KRTAP9-2: variants seen among roughly 807,000 people sequenced by gnomAD.
The protein encoded by KRTAP9-2 is keratin associated protein 9-2.
Under a neutral mutation model 14.1 loss-of-function variants are expected in KRTAP9-2, and 12 were observed. The observed-to-expected ratio is 0.85, with a 90% CI of 0.55 to 1.38. The LOEUF (loss-of-function observed/expected upper bound fraction) is 1.38. KRTAP9-2 is among the 40% of genes most tolerant of loss of function. The probability of loss-of-function intolerance (pLI) is 0.00; values close to 1 mark genes in which losing one functional copy is unlikely to be tolerated. For synonymous variants in KRTAP9-2, 72 were observed against 79.5 expected (o/e 0.91, Z 0.50); for missense variants, 185 against 216.3 (o/e 0.86, Z 0.91).
Position 41,227,091 on chromosome 17 carries a change from G to A in KRTAP9-2, c.437G>A (p.Arg146His), listed in dbSNP as rs537525683. Residue 146 changes from arginine (R) to histidine (H), a missense_variant, in exon 1 of 1, where the codon CGC becomes CAC. Transcript: ENST00000377721. The part of the protein sequence containing the change: ...CGSNCCQPCC[R>H]PACCETTCCR... ...TCCAACTGCTGCCAGCCCTGCTGCCGCCCAGCCTGCTGTGAGACCACCTGC... is the reference window on the plus strand; with the variant it reads ...TCCAACTGCTGCCAGCCCTGCTGCCACCCAGCCTGCTGTGAGACCACCTGC... 19 of 1,608,636 alleles carry A rather than the reference G, an allele frequency of 1.2e-5. No individual in the cohort carries two copies. Among genetic ancestry groups the A allele is most frequent in the Middle Eastern group, 3.4e-4 (2 of 5,882 alleles).
chr17:41,226,861 C>A lies in KRTAP9-2; in HGVS notation c.207C>A (p.Pro69=), dbSNP rs2015770815. ...NTCCRTTCCQ[P]TCVTSCCQPS... is the part of the protein sequence containing the mutation. ...GCTGTAGGACCACCTGCTGCCAGCCCACCTGTGTGACCAGCTGCTGCCAGC... is the reference window on the plus strand; with the variant it reads ...GCTGTAGGACCACCTGCTGCCAGCCAACCTGTGTGACCAGCTGCTGCCAGC... Residue 69 remains proline (P), a synonymous_variant, in exon 1 of 1, where the codon CCC becomes CCA. Coordinates refer to ENST00000377721, the MANE Select transcript of KRTAP9-2 (RefSeq NM_031961.3). 1 of 1,610,022 alleles carries A rather than the reference C, an allele frequency of 6.2e-7. No individual in the cohort carries two copies. Among genetic ancestry groups the A allele is most frequent in the Non-Finnish European group, 8.5e-7 (1 of 1,177,954 alleles).
rs2015781324 is a variant in KRTAP9-2, at chr17:41,227,174, T to C, written c.520T>C (p.Cys174Arg). Residue 174 changes from cysteine to arginine, a missense_variant, in exon 1 of 1, where the codon TGC (cysteine) becomes CGC (arginine). Coordinates refer to ENST00000377721, the MANE Select transcript of KRTAP9-2 (RefSeq NM_031961.3). ...GTCCAGCTGCTGCCAGCCTTCTTGC[T>C]GCTGATCACGTTCCAAGAGAACCAC... is the stretch of plus-strand genomic sequence containing the variant. ...CVSSCCQPSCC is the reference protein window; with the variant it reads ...CVSSCCQPSCR The C allele has an allele frequency of 6.2e-7, 1 of 1,600,654 alleles. No individual in the cohort carries two copies. The highest frequency in any genetic ancestry group is 8.5e-7 in the Non-Finnish European group (1 of 1,174,254).
rs772525596 is a variant in KRTAP9-2 at position 41,227,155 on chromosome 17, C to A, written c.501C>A (p.Ser167Arg). The change falls in exon 1 of 1, where the codon AGC (serine) becomes AGA (arginine). Residue 167 changes from serine (S) to arginine (R), a missense_variant. Coordinates refer to ENST00000377721, the MANE Select transcript of KRTAP9-2 (RefSeq NM_031961.3). The stretch of plus-strand genomic sequence containing the variant: ...GCTTCCAGCCCACCTGTGTGTCCAG[C>A]TGCTGCCAGCCTTCTTGCTGCTGAT... The part of the protein sequence containing the change: ...TTCFQPTCVS[S>R]CCQPSCC 1 of 1,606,022 alleles carries A rather than the reference C, an allele frequency of 6.2e-7. No homozygotes were observed. The highest frequency in any genetic ancestry group is 1.1e-5 in the South Asian group (1 of 90,550).
In KRTAP9-2 at chr17:41,226,652, A is replaced by C. The variant is rs377277405; in HGVS notation, c.-3A>C. 4.3e-6 allele frequency: 7 copies of C among 1,610,576 alleles called. No individual in the cohort carries two copies. The highest frequency in any genetic ancestry group is 2.2e-4 in the Middle Eastern group (1 of 4,600). On this transcript the variant is annotated 5_prime_UTR_variant, in exon 1 of 1. Coordinates refer to ENST00000377721, the MANE Select transcript of KRTAP9-2 (RefSeq NM_031961.3). ...CAGAAGCCCACCCTCCACCCCTGAC[A>C]CCATGACCCACTGTTGCTCCCCTTG...
In KRTAP9-2 at chr17:41,226,677, G is replaced by C; in HGVS notation, c.23G>C (p.Cys8Ser). The stretch of plus-strand genomic sequence containing the variant: ...ACCATGACCCACTGTTGCTCCCCTT[G>C]CTGTCAGCCTACCTGCTGCAGGACC... MTHCCSP[C>S]CQPTCCRTTC... Residue 8 changes from cysteine (C) to serine (S), a missense_variant, in exon 1 of 1, where the codon TGC becomes TCC. Coordinates refer to ENST00000377721, the MANE Select transcript of KRTAP9-2 (RefSeq NM_031961.3). The C allele has an allele frequency of 6.2e-7, 1 of 1,612,184 alleles. No individual in the cohort carries two copies. Among genetic ancestry groups the C allele is most frequent in the Non-Finnish European group, 8.5e-7 (1 of 1,179,718 alleles).
chr17:41,226,812 G>T lies in KRTAP9-2; in HGVS notation c.158G>T (p.Arg53Leu). ...TCCAGCTGCTGCCAGCCTTGCTGCC[G>T]CCCAACTTGCTGTCAAAACACCTGC... ...CVSSCCQPCC[R>L]PTCCQNTCCR... The change falls in exon 1 of 1, where the codon CGC (arginine) becomes CTC (leucine). Residue 53 changes from arginine (R) to leucine (L), a missense_variant. Coordinates refer to ENST00000377721, the MANE Select transcript of KRTAP9-2 (RefSeq NM_031961.3). 1.3e-6 allele frequency: 2 copies of T among 1,504,812 alleles called. No individual in the cohort carries two copies. The highest frequency in any genetic ancestry group is 1.8e-6 in the Non-Finnish European group (2 of 1,112,452). 93.2% of individuals were successfully genotyped at this position (1,504,812 alleles called of 1,614,324 possible).
Position 41,226,758 on chromosome 17 carries a change from C to T in KRTAP9-2, c.104C>T (p.Thr35Ile). Residue 35 changes from threonine (T) to isoleucine (I), a missense_variant, in exon 1 of 1, where the codon ACA (threonine) becomes ATA (isoleucine). Thr to Ile is a moderately conservative substitution (Grantham distance 89). Coordinates refer to ENST00000377721, the MANE Select transcript of KRTAP9-2 (RefSeq NM_031961.3). ...ACCACTGTGACCACCTGCAGCAGCA[C>T]ACCCTGCTGCCAGCCCGCCTGCTGT... ...KPTTVTTCSS[T>I]PCCQPACCVS... 1 of 1,536,184 alleles carries T rather than the reference C, an allele frequency of 6.5e-7. No homozygotes were observed. The highest frequency in any genetic ancestry group is 8.8e-7 in the Non-Finnish European group (1 of 1,129,948).
Position 41,226,960 on chromosome 17 carries a change from G to C in KRTAP9-2, c.306G>C (p.Gly102=). The C allele has an allele frequency of 6.2e-7, 1 of 1,613,158 alleles. No homozygotes were observed. Among genetic ancestry groups the C allele is most frequent in the Non-Finnish European group, 8.5e-7 (1 of 1,179,936 alleles). The change falls in exon 1 of 1, where the codon GGG becomes GGC. Residue 102 remains glycine, a synonymous_variant. Coordinates refer to ENST00000377721, the MANE Select transcript of KRTAP9-2 (RefSeq NM_031961.3). ...GCTGCTGTGGCCAAACCAGCTGTGG[G>C]TCCAGCTGTGGCCAGAGCAGCTCCT... is the stretch of plus-strand genomic sequence containing the variant. The part of the protein sequence containing the change: ...GSSCCGQTSC[G]SSCGQSSSCA...
At position 41,227,575 on chromosome 17, in the gene KRTAP9-2, T is replaced by C; in HGVS notation, c.*396T>C. On this transcript the variant is annotated 3_prime_UTR_variant, in exon 1 of 1. Coordinates refer to ENST00000377721, the MANE Select transcript of KRTAP9-2 (RefSeq NM_031961.3). The stretch of plus-strand genomic sequence containing the variant: ...GTATCCTTCTTTCTTCTTTTCATGA[T>C]AAATTTGTGTTGTGTCCCTGGTAGC... 9.5e-6 allele frequency: 1 copy of C among 104,902 alleles called. No individual in the cohort carries two copies. The highest frequency in any genetic ancestry group is 7.8e-5 in the South Asian group (1 of 12,880). The allele number at this position is 104,902 out of a possible 1,614,324, so 6.5% of individuals were successfully genotyped here. A position where few individuals can be genotyped will look rare whatever the true frequency, so the allele number is the denominator to read the frequency against.
chr17:41,226,846 C>T lies in KRTAP9-2; in HGVS notation c.192C>T (p.Thr64=), dbSNP rs769825252. Residue 64 remains threonine (T), a synonymous_variant, in exon 1 of 1, where the codon ACC becomes ACT. Coordinates refer to ENST00000377721, the MANE Select transcript of KRTAP9-2 (RefSeq NM_031961.3). The part of the protein sequence containing the change: ...PTCCQNTCCR[T]TCCQPTCVTS... ...GCTGTCAAAACACCTGCTGTAGGAC[C>T]ACCTGCTGCCAGCCCACCTGTGTGA... 2.0e-6 allele frequency: 3 copies of T among 1,518,938 alleles called. No individual in the cohort carries two copies. Among genetic ancestry groups the T allele is most frequent in the Non-Finnish European group, 2.7e-6 (3 of 1,123,390 alleles). 94.1% of individuals were successfully genotyped at this position (1,518,938 alleles called of 1,614,324 possible).
Position 41,227,022 on chromosome 17 carries a change from C to A in KRTAP9-2, c.368C>A (p.Pro123His), listed in dbSNP as rs1158369177. 3.1e-6 allele frequency: 5 copies of A among 1,613,848 alleles called. No homozygotes were observed. Among genetic ancestry groups the A allele is most frequent in the Non-Finnish European group, 4.2e-6 (5 of 1,179,990 alleles). The change falls in exon 1 of 1, where the codon CCC (proline) becomes CAC (histidine). Residue 123 changes from proline (P) to histidine (H), a missense_variant. Transcript: ENST00000377721. ...TACTGCAGAAGAACCTGCTACTACC[C>A]CACGACTGTCTGCCTGCCTGGTTGC... ...PVYCRRTCYY[P>H]TTVCLPGCLN...
Position 41,227,046 on chromosome 17 carries a change from G to A in KRTAP9-2, c.392G>A (p.Cys131Tyr). 6.2e-7 allele frequency: 1 copy of A among 1,613,276 alleles called. No homozygotes were observed. Among genetic ancestry groups the A allele is most frequent in the African/African-American group, 1.3e-5 (1 of 74,678 alleles). The stretch of plus-strand genomic sequence containing the variant: ...CCCACGACTGTCTGCCTGCCTGGTT[G>A]CCTAAACCAGAGCTGTGGCTCCAAC... Reference protein sequence around the residue: ...YYPTTVCLPGCLNQSCGSNCC... With the variant: ...YYPTTVCLPGYLNQSCGSNCC... The change falls in exon 1 of 1, where the codon TGC becomes TAC. Residue 131 changes from cysteine to tyrosine, a missense_variant. Cys to Tyr is a radical substitution (Grantham distance 194). This residue lies in a region of KRTAP9-2 where 164 missense variants were observed against 168.3 expected (regional missense o/e 0.97). Coordinates refer to ENST00000377721, the MANE Select transcript of KRTAP9-2 (RefSeq NM_031961.3).
In KRTAP9-2 at chr17:41,226,833, C is replaced by G; in HGVS notation, c.179C>G (p.Thr60Ser). 2 of 1,506,174 alleles carry G rather than the reference C, an allele frequency of 1.3e-6. No individual in the cohort carries two copies. Among genetic ancestry groups the G allele is most frequent in the Admixed American group, 2.0e-5 (1 of 49,746 alleles). The allele number at this position is 1,506,174 out of a possible 1,614,324, so 93.3% of individuals were successfully genotyped here. A position where few individuals can be genotyped will look rare whatever the true frequency, so the allele number is the denominator to read the frequency against. Residue 60 changes from threonine to serine, a missense_variant, in exon 1 of 1, where the codon ACC (threonine) becomes AGC (serine). Coordinates refer to ENST00000377721, the MANE Select transcript of KRTAP9-2 (RefSeq NM_031961.3). ...TGCCGCCCAACTTGCTGTCAAAACA[C>G]CTGCTGTAGGACCACCTGCTGCCAG... ...PCCRPTCCQN[T>S]CCRTTCCQPT...
chr17:41,226,780 C>T lies in KRTAP9-2; in HGVS notation c.126C>T (p.Cys42=), dbSNP rs370262438. Reference sequence around the variant, plus strand: ...GCACACCCTGCTGCCAGCCCGCCTGCTGTGTGTCCAGCTGCTGCCAGCCTT... The same window carrying T: ...GCACACCCTGCTGCCAGCCCGCCTGTTGTGTGTCCAGCTGCTGCCAGCCTT... ...CSSTPCCQPA[C]CVSSCCQPCC... The change falls in exon 1 of 1, where the codon TGC becomes TGT. Residue 42 remains cysteine, a synonymous_variant. Transcript: ENST00000377721. 1 of 1,521,208 alleles carries T rather than the reference C, an allele frequency of 6.6e-7. No individual in the cohort carries two copies. Among genetic ancestry groups the T allele is most frequent in the East Asian group, 2.4e-5 (1 of 41,318 alleles). The allele number at this position is 1,521,208 out of a possible 1,614,324, so 94.2% of individuals were successfully genotyped here.
At position 41,227,072 on chromosome 17, in the gene KRTAP9-2, T is replaced by A. The variant is rs201521857; in HGVS notation, c.418T>A (p.Cys140Ser). The change falls in exon 1 of 1, where the codon TGC becomes AGC. Residue 140 changes from cysteine to serine, a missense_variant. By Grantham distance (112) the Cys-to-Ser change is moderately radical. Coordinates refer to ENST00000377721, the MANE Select transcript of KRTAP9-2 (RefSeq NM_031961.3). ...CCTAAACCAGAGCTGTGGCTCCAAC[T>A]GCTGCCAGCCCTGCTGCCGCCCAGC... is the stretch of plus-strand genomic sequence containing the variant. ...GCLNQSCGSN[C>S]CQPCCRPACC... 1 of 1,416,070 alleles carries A rather than the reference T, an allele frequency of 7.1e-7. No homozygotes were observed. The highest frequency in any genetic ancestry group is 1.8e-5 in the Admixed American group (1 of 55,586). The allele number at this position is 1,416,070 out of a possible 1,614,324, so 87.7% of individuals were successfully genotyped here.
Position 41,226,847 on chromosome 17 carries a change from A to G in KRTAP9-2, c.193A>G (p.Thr65Ala), listed in dbSNP as rs138818618. 835 of 1,518,786 alleles carry G rather than the reference A, an allele frequency of 5.5e-4. No individual in the cohort carries two copies. Among genetic ancestry groups the G allele is most frequent in the Non-Finnish European group, 7.1e-4 (797 of 1,123,292 alleles). The allele number at this position is 1,518,786 out of a possible 1,614,324, so 94.1% of individuals were successfully genotyped here. The change falls in exon 1 of 1, where the codon ACC (threonine) becomes GCC (alanine). Residue 65 changes from threonine (T) to alanine (A), a missense_variant. Thr to Ala is a moderately conservative substitution (Grantham distance 58). Coordinates refer to ENST00000377721, the MANE Select transcript of KRTAP9-2 (RefSeq NM_031961.3). ...CTGTCAAAACACCTGCTGTAGGACC[A>G]CCTGCTGCCAGCCCACCTGTGTGAC... is the stretch of plus-strand genomic sequence containing the variant. ...TCCQNTCCRT[T>A]CCQPTCVTSC... is the part of the protein sequence containing the mutation.
rs566339815 is a variant in KRTAP9-2 at position 41,226,842 on chromosome 17, G to T, written c.188G>T (p.Arg63Met). ...RPTCCQNTCC[R>M]TTCCQPTCVT... ...ACTTGCTGTCAAAACACCTGCTGTA[G>T]GACCACCTGCTGCCAGCCCACCTGT... The change falls in exon 1 of 1, where the codon AGG becomes ATG. Residue 63 changes from arginine to methionine, a missense_variant. By Grantham distance (91) the Arg-to-Met change is moderately conservative (BLOSUM62 -1). Around this residue, in one of 2 missense-constraint regions of KRTAP9-2, gnomAD observed 164 missense variants for 168.3 expected, o/e 0.97. Transcript: ENST00000377721. 63 of 1,521,126 alleles carry T rather than the reference G, an allele frequency of 4.1e-5. No homozygotes were observed. The highest frequency in any genetic ancestry group is 5.2e-5 in the Non-Finnish European group (59 of 1,124,648). The allele number at this position is 1,521,126 out of a possible 1,614,324, so 94.2% of individuals were successfully genotyped here.
At position 41,227,204 on chromosome 17, in the gene KRTAP9-2, C is replaced by A; in HGVS notation, c.*25C>A. 1.3e-6 allele frequency: 2 copies of A among 1,563,028 alleles called. No homozygotes were observed. The highest frequency in any genetic ancestry group is 1.7e-6 in the Non-Finnish European group (2 of 1,145,722). On this transcript the variant is annotated 3_prime_UTR_variant, in exon 1 of 1. Transcript: ENST00000377721. ...ATCACGTTCCAAGAGAACCACCATC[C>A]TCACACAACAAATTTCTGCTCAACT...
rs147340082 is a variant in KRTAP9-2, at chr17:41,226,930, G to A, written c.276G>A (p.Gly92=). ...CCTGCTGCCAGCCCACCTGCTGTGG[G>A]TCCAGCTGCTGTGGCCAAACCAGCT... ...STPCCQPTCC[G]SSCCGQTSCG... Residue 92 remains glycine, a synonymous_variant, in exon 1 of 1, where the codon GGG becomes GGA. Coordinates refer to ENST00000377721, the MANE Select transcript of KRTAP9-2 (RefSeq NM_031961.3). The A allele has an allele frequency of 1.1e-3, 1,719 of 1,609,718 alleles. 1 individual carries two copies. Among genetic ancestry groups the A allele is most frequent in the Non-Finnish European group, 1.3e-3 (1,549 of 1,179,740 alleles).
Sources: gnomAD v4.1 joint callset for allele counts on GRCh38, gnomAD v4.1.1 for gene constraint, gnomAD v4.1.1 regional missense constraint, MANE v1.5 for transcripts, NCBI Gene and HGNC (gene_info 2026-07-23, HGNC 2026-07-21) for gene names.